The following CALN1 variants were observed in gnomAD, a reference collection of about 807,000 sequenced individuals.
CALN1 encodes the protein calcium-binding protein 8.
Under a neutral mutation model 30.6 loss-of-function variants are expected in CALN1, and 17 were observed. That is an observed-to-expected ratio of 0.56 (90% CI 0.38 to 0.83). The LOEUF (loss-of-function observed/expected upper bound fraction) is 0.83, where lower values mean the gene tolerates loss of function less well. Among genes scored for constraint, CALN1 ranks in the 40% least tolerant of loss-of-function variants. The pLI is 0.00. For missense variants in CALN1, 291 were observed against 354.9 expected (o/e 0.82, Z 1.45); for synonymous variants, 156 against 131.4 (o/e 1.19, Z -1.28).
intron 4 of CALN1, among the ~76,000 whole-genome samples, chr7:72,068,121 G>C (rs907291332): frequency 2.0e-5 from 3 of 152,054 alleles, no homozygotes; most frequent in African/African-American, 7.2e-5. Flanking sequence ...AGTCAATCTT[G>C]GCTAAAATGA....
chr7:71,882,324 C>T (rs1792620762), intron 5 of CALN1, among the ~76,000 whole-genome samples: 1 of 152,150 alleles, frequency 6.6e-6, no homozygotes, highest in Admixed American at 6.5e-5. Context: ...TATGAAGACC[C>T]TTGTGATTAC....
intron 2 of CALN1, among the ~76,000 whole-genome samples, chr7:72,397,639 G>A (rs974835284): frequency 2.0e-5 from 3 of 151,318 alleles, no homozygotes; most frequent in Admixed American, 6.6e-5. Context: ...AGCACATGAA[G>A]GTCTACCAGT....
the CALN1 span, among the ~76,000 whole-genome samples, chr7:72,474,879 GC>G: frequency 5.1e-4 from 77 of 152,176 alleles, no homozygotes; most frequent in African/African-American, 1.8e-3. Context: ...CCTTGACTTT[GC>G]CCAGGCTTCA....
chr7:72,288,477 A>G (rs1184690861), intron 2 of CALN1, among the ~76,000 whole-genome samples: 5 of 152,112 alleles, frequency 3.3e-5, no homozygotes, highest in Non-Finnish European at 2.9e-5. Flanking sequence ...TACAGCCAAC[A>G]CTTAGGGGGA....
intron 3 of CALN1, among the ~76,000 whole-genome samples, chr7:72,215,785 C>T (rs1792755962): frequency 1.3e-5 from 2 of 152,078 alleles, no homozygotes; most frequent in South Asian, 4.1e-4. Context: ...TGCACGAGGC[C>T]TTTGGGATTC....
At chr7:72,254,378 C>T (rs1795770981) in intron 3 of CALN1, among the ~76,000 whole-genome samples, 1 of 152,128 alleles carries the variant, frequency 6.6e-6, no homozygotes, top group Non-Finnish European at 1.5e-5. Context: ...CTTGATTTGT[C>T]TCTGCCTGGT....
At position 72,196,067 on chromosome 7, in the gene CALN1, T is replaced by C. The variant is rs367670994; in HGVS notation, c.244+82619A>G. ...AGTGGCTGCCTAGGGTTGGGAGATA[T>C]GGCGAGATTGGAGGAGTGAATGCTA... On this transcript the variant is annotated intron_variant, in intron 3 of 6. Transcript: ENST00000395275. 4.6e-5 allele frequency among the ~76,000 whole-genome samples: 7 copies of C among 151,994 alleles called. No homozygotes were observed. The East Asian group carries it at 1.2e-3, about 25-fold the overall frequency.
At chr7:71,879,535 G>A (rs1409528509) in intron 5 of CALN1, among the ~76,000 whole-genome samples, 1 of 152,222 alleles carries the variant, frequency 6.6e-6, no homozygotes, top group East Asian at 1.9e-4. Context: ...TCTGAAAGTT[G>A]TAGAGACCTG....
intron 5 of CALN1, among the ~76,000 whole-genome samples, chr7:71,966,398 G>T (rs1394430578): frequency 6.6e-6 from 1 of 152,130 alleles, no homozygotes; most frequent in Non-Finnish European, 1.5e-5. Flanking sequence ...GTGGGGTGGT[G>T]GGAGGTGGCT....
rs1801731378 is a variant in CALN1 at position 72,332,283 on chromosome 7, A to T, written c.120-53473T>A. ...TGCAGTCATATTTACACCCACTTTTAGTTACAGGCAAATTAAGGACAGTTT... is the reference window on the plus strand; with the variant it reads ...TGCAGTCATATTTACACCCACTTTTTGTTACAGGCAAATTAAGGACAGTTT... On this transcript the variant is annotated intron_variant, in intron 2 of 6. Transcript: ENST00000395275. Among the ~76,000 whole-genome samples, 5 of 152,046 alleles carry T rather than the reference A, an allele frequency of 3.3e-5. No individual in the cohort carries two copies. The South Asian group carries it at 1.0e-3, about 32-fold the overall frequency.
chr7:72,442,667 A>G (rs1808386821), intron 1 of CALN1, among the ~76,000 whole-genome samples: 1 of 151,690 alleles, frequency 6.6e-6, no homozygotes, highest in Non-Finnish European at 1.5e-5. Context: ...TAAGGGTTGC[A>G]CTTATTTAAG....
At chr7:72,306,171 T>C (rs1799636609) in intron 2 of CALN1, among the ~76,000 whole-genome samples, 1 of 152,062 alleles carries the variant, frequency 6.6e-6, no homozygotes, top group African/African-American at 2.4e-5. Flanking sequence ...ATCAAAAAAT[T>C]TTACCCCAAA....
At chr7:72,287,018 G>A (rs546198462) in intron 2 of CALN1, among the ~76,000 whole-genome samples, 1 of 152,212 alleles carries the variant, frequency 6.6e-6, no homozygotes, top group South Asian at 2.1e-4. Flanking sequence ...AAACAAAGGA[G>A]AAATGCAAAA....
chr7:72,475,615 A>G, the CALN1 span, among the ~76,000 whole-genome samples: 3 of 152,226 alleles, frequency 2.0e-5, no homozygotes, highest in Non-Finnish European at 2.9e-5. Flanking sequence ...CTGCTCTGTG[A>G]AGATTTTCAT....
chr7:72,024,365 C>T (rs571533421), intron 4 of CALN1, among the ~76,000 whole-genome samples: 3 of 152,282 alleles, frequency 2.0e-5, no homozygotes, highest in South Asian at 2.1e-4. Flanking sequence ...TTCCCCAAGA[C>T]CAAATCTCAT....
chr7:72,355,693 T>C (rs922495106), intron 2 of CALN1, among the ~76,000 whole-genome samples: 2 of 152,214 alleles, frequency 1.3e-5, no homozygotes, highest in African/African-American at 4.8e-5. Context: ...TCATAATACA[T>C]ATCCATTATT....
Position 72,384,841 on chromosome 7 carries a change from A to G in CALN1, c.119+18410T>C, listed in dbSNP as rs991438257. Among the ~76,000 whole-genome samples, 3 of 152,196 alleles carry G rather than the reference A, an allele frequency of 2.0e-5. No individual in the cohort carries two copies. The South Asian group carries it at 6.2e-4, about 31-fold the overall frequency. On this transcript the variant is annotated intron_variant, in intron 2 of 6. Transcript: ENST00000395275. ...TTGGACATTATTAATATTTAAAAAGATACTTTTAAGAGAATGAAAAGATGA... is the reference window on the plus strand; with the variant it reads ...TTGGACATTATTAATATTTAAAAAGGTACTTTTAAGAGAATGAAAAGATGA...
At chr7:72,022,934 AAAG>A (rs1333363846) in intron 5 of CALN1, among the ~76,000 whole-genome samples, 2 of 138,774 alleles carry the variant, frequency 1.4e-5, no homozygotes, top group Admixed American at 6.8e-5. Context: ...AAAAAAAAAA[AAAG>A]AAATTTAAAA....
intron 4 of CALN1, among the ~76,000 whole-genome samples, chr7:72,097,215 G>A (rs1002490203): frequency 2.0e-5 from 3 of 152,052 alleles, no homozygotes; most frequent in Non-Finnish European, 4.4e-5. Flanking sequence ...TGTAAATGAC[G>A]AATTAATAGG....
Sources: gnomAD v4.1 joint callset for allele counts (sites outside exome capture counted in the v4.1 genomes callset) on GRCh38, gnomAD v4.1.1 for gene constraint, MANE v1.5 for transcripts, NCBI Gene and HGNC (gene_info 2026-07-23, HGNC 2026-07-21) for gene names.